ATG7: variants seen among roughly 807,000 people sequenced by gnomAD.
The protein encoded by ATG7 is autophagy related 7.
ATG7 carries 70 observed loss-of-function variants against 82.4 expected under a neutral mutation model. That is an observed-to-expected ratio of 0.85 (90% CI 0.70 to 1.04). The LOEUF (loss-of-function observed/expected upper bound fraction) is 1.04, where lower values mean the gene tolerates loss of function less well. Ranked by LOEUF, ATG7 falls within the 50% of genes least tolerant of loss-of-function variation. The pLI, the probability that ATG7 is intolerant of heterozygous loss-of-function variation, is 0.00. For synonymous variants in ATG7, 287 were observed against 313.0 expected, an observed-to-expected ratio of 0.92 and a Z score of 0.88; for missense variants, 792 against 864.3, an observed-to-expected ratio of 0.92 and a Z score of 1.05.
intron 20 of ATG7, among the ~76,000 whole-genome samples, chr3:11,433,799 G>A (rs1477473888): frequency 6.6e-6 from 1 of 152,164 alleles, no homozygotes; most frequent in Non-Finnish European, 1.5e-5. Flanking sequence ...ATTTTGTCAA[G>A]GTTGTGCTAA....
chr3:11,337,080 G>C (rs1033458120), intron 11 of ATG7, among the ~76,000 whole-genome samples: 1 of 152,306 alleles, frequency 6.6e-6, no homozygotes, highest in African/African-American at 2.4e-5. Context: ...GCTGCGGGTA[G>C]AGATCCCATC....
intron 20 of ATG7, among the ~76,000 whole-genome samples, chr3:11,526,826 T>A (rs1212312289): frequency 1.3e-5 from 2 of 152,300 alleles, no homozygotes; most frequent in East Asian, 3.9e-4. Flanking sequence ...TAAGAATGAA[T>A]CTAAAGTTTT....
At chr3:11,456,861 C>T (rs2085779703) in intron 20 of ATG7, among the ~76,000 whole-genome samples, 1 of 152,088 alleles carries the variant, frequency 6.6e-6, no homozygotes, top group South Asian at 2.1e-4. Context: ...TCTCTGAGGC[C>T]CCAGTATTGG....
At chr3:11,510,198 TC>T in intron 20 of ATG7, 1 of 456,742 alleles carries the variant, frequency 2.2e-6, no homozygotes, top group Non-Finnish European at 4.4e-6. Context: ...CATCTTTCTT[TC>T]ATCCGGCCCA....
chr3:11,485,438 T>G (rs982077294), intron 20 of ATG7, among the ~76,000 whole-genome samples: 3 of 152,194 alleles, frequency 2.0e-5, no homozygotes, highest in African/African-American at 4.8e-5. Context: ...ATTCTGGACA[T>G]TAGCCCTTCG....
chr3:11,459,961 T>C lies in ATG7; in HGVS notation c.2079+33035T>C, dbSNP rs73812461. Reference sequence around the variant, plus strand: ...AACAGTGCTTTGGGGTCTGTGCTCTTATCCACTGCACCATACTGCCTCTTA... The same window carrying C: ...AACAGTGCTTTGGGGTCTGTGCTCTCATCCACTGCACCATACTGCCTCTTA... On this transcript the variant is annotated intron_variant, in intron 20 of 20. Coordinates refer to ENST00000693202, the MANE Select transcript of ATG7 (RefSeq NM_001349232.2). 3.8e-3 allele frequency among the ~76,000 whole-genome samples: 581 copies of C among 152,344 alleles called. 4 individuals are homozygous for C. Among genetic ancestry groups the C allele is most frequent in the African/African-American group, 0.013 (541 of 41,578 alleles).
At chr3:11,353,894 A>G (rs1021493161) in intron 14 of ATG7, among the ~76,000 whole-genome samples, 5 of 152,324 alleles carry the variant, frequency 3.3e-5, no homozygotes, top group Admixed American at 2.0e-4. Context: ...GGACTAACAC[A>G]GGAAATACAA....
chr3:11,555,076 A>C lies in ATG7; in HGVS notation c.*233A>C. 1.9e-6 allele frequency: 1 copy of C among 538,342 alleles called. No homozygotes were observed. The allele number at this position is 538,342 out of a possible 1,614,324, so 33.3% of individuals were successfully genotyped here. On this transcript the variant is annotated 3_prime_UTR_variant, in exon 21 of 21. Transcript: ENST00000693202. Reference sequence around the variant, plus strand: ...AACCTTGGCCTTGGCCTTGCTATTGACCTGGGACTTGGTCCTCCATGCAGT... The same window carrying C: ...AACCTTGGCCTTGGCCTTGCTATTGCCCTGGGACTTGGTCCTCCATGCAGT...
intron 20 of ATG7, among the ~76,000 whole-genome samples, chr3:11,460,298 G>A (rs534654580): frequency 1.8e-4 from 27 of 152,280 alleles, no homozygotes; most frequent in Middle Eastern, 6.8e-3. Context: ...CTTGTCCTTC[G>A]GTATCTTATC....
At chr3:11,405,574 A>G (rs921459607) in intron 19 of ATG7, among the ~76,000 whole-genome samples, 5 of 152,068 alleles carry the variant, frequency 3.3e-5, no homozygotes, top group African/African-American at 1.2e-4. Context: ...ATCAAGCCCT[A>G]TTTGGCAATA....
chr3:11,573,596 C>T, the ATG7 span, among the ~76,000 whole-genome samples: 3 of 152,194 alleles, frequency 2.0e-5, no homozygotes, highest in South Asian at 4.1e-4. Flanking sequence ...TGTGTATCCT[C>T]GGTGACATCT....
chr3:11,479,338 C>G (rs1315565064), intron 20 of ATG7, among the ~76,000 whole-genome samples: 1 of 152,134 alleles, frequency 6.6e-6, no homozygotes, highest in Non-Finnish European at 1.5e-5. Context: ...GTGTGAATTT[C>G]AAGAAGTCAA....
intron 20 of ATG7, among the ~76,000 whole-genome samples, chr3:11,449,382 C>T (rs2036232): frequency 6.6e-6 from 1 of 151,852 alleles, no homozygotes; most frequent in Non-Finnish European, 1.5e-5. Context: ...AAACCAACAA[C>T]AACAAAAAAC....
chr3:11,532,558 TC>T (rs2092713113), intron 20 of ATG7, among the ~76,000 whole-genome samples: 1 of 152,064 alleles, frequency 6.6e-6, no homozygotes, highest in African/African-American at 2.4e-5. Flanking sequence ...TCCTGTCCGT[TC>T]ATAAAATTCA....
chr3:11,459,891 C>T lies in ATG7; in HGVS notation c.2079+32965C>T, dbSNP rs538375737. On this transcript the variant is annotated intron_variant, in intron 20 of 20. Coordinates refer to ENST00000693202, the MANE Select transcript of ATG7 (RefSeq NM_001349232.2). ...TTAATGTGCCAGATGCTATTCTAAC[C>T]GTATTAACATATTAAAAATCCTTAC... Among the ~76,000 whole-genome samples the T allele has an allele frequency of 9.2e-5, 14 of 152,222 alleles. No individual in the cohort carries two copies. The South Asian group carries it at 1.2e-3, about 14-fold the overall frequency.
chr3:11,411,648 ATT>A (rs2080914338), intron 19 of ATG7, among the ~76,000 whole-genome samples: 1 of 147,764 alleles, frequency 6.8e-6, no homozygotes, highest in Non-Finnish European at 1.5e-5. Flanking sequence ...AAAAAAAAAA[ATT>A]CTTATCAGAT....
At chr3:11,316,871 C>A (rs1949488865) in intron 9 of ATG7, among the ~76,000 whole-genome samples, 3 of 152,066 alleles carry the variant, frequency 2.0e-5, no homozygotes, top group South Asian at 2.1e-4. Flanking sequence ...TATATCAGAG[C>A]TGAAAAAAGG....
intron 20 of ATG7, among the ~76,000 whole-genome samples, chr3:11,552,975 G>A (rs1343482442): frequency 6.6e-6 from 1 of 152,194 alleles, no homozygotes; most frequent in Non-Finnish European, 1.5e-5. Context: ...GTCCTCTTAT[G>A]AACAGAACAA....
intron 20 of ATG7, among the ~76,000 whole-genome samples, chr3:11,453,036 G>A (rs936742671): frequency 1.3e-5 from 2 of 152,340 alleles, no homozygotes; most frequent in African/African-American, 4.8e-5. Flanking sequence ...GGTATTGGAA[G>A]CAGACAGTCC....
Sources: gnomAD v4.1 joint callset for allele counts (sites outside exome capture counted in the v4.1 genomes callset) on GRCh38, gnomAD v4.1.1 for gene constraint, MANE v1.5 for transcripts, NCBI Gene and HGNC (gene_info 2026-07-23, HGNC 2026-07-21) for gene names.